The following POF1B variants were observed in gnomAD, a reference collection of about 807,000 sequenced individuals.
The protein encoded by POF1B is POF1B actin binding protein.
A neutral mutation model predicts 55.3 loss-of-function variants in POF1B; 53 were observed. That is an observed-to-expected ratio of 0.96 (90% CI 0.77 to 1.20). The LOEUF is 1.20. Ranked by LOEUF, POF1B falls within the 50% of genes most tolerant of loss-of-function variation. The pLI, the probability that POF1B is intolerant of heterozygous loss-of-function variation, is 0.00. For synonymous variants in POF1B, 188 were observed against 148.3 expected (o/e 1.27, Z -1.95); for missense variants, 478 against 420.5 (o/e 1.14, Z -1.20).
At chrX:85,311,892 C>T (rs942683550) in intron 9 of POF1B, among the ~76,000 whole-genome samples, 1 of 112,134 alleles carries the variant, frequency 8.9e-6, no homozygotes, top group Non-Finnish European at 1.9e-5. Context: ...GATGGTATCT[C>T]ATTGTGGTTT....
chrX:85,314,910 G>A (rs1420545083), intron 8 of POF1B, among the ~76,000 whole-genome samples: 2 of 111,551 alleles, frequency 1.8e-5, no homozygotes, highest in Admixed American at 9.6e-5. Flanking sequence ...TTGAAATAAG[G>A]AAAACTTTGG....
chrX:85,345,738 A>C, intron 6 of POF1B, 122 bp downstream of exon 6: 1 of 629,963 alleles, frequency 1.6e-6, no homozygotes, highest in East Asian at 3.7e-5. Flanking sequence ...CAAGGCACAA[A>C]TACCAGTGAT....
chrX:85,365,359 T>C (rs1364903860), intron 3 of POF1B, among the ~76,000 whole-genome samples: 1 of 111,854 alleles, frequency 8.9e-6, no homozygotes, highest in Non-Finnish European at 1.9e-5. Flanking sequence ...AGTTCTTGCA[T>C]TGGTTCTTTC....
At chrX:85,341,267 C>T (rs1031355890) in intron 6 of POF1B, among the ~76,000 whole-genome samples, 7 of 110,559 alleles carry the variant, frequency 6.3e-5, no homozygotes, top group South Asian at 3.8e-4. Flanking sequence ...TATCACAAGA[C>T]GAAGCTAACA....
At chrX:85,294,143 T>G (rs1474505636) in intron 15 of POF1B, among the ~76,000 whole-genome samples, 1 of 112,101 alleles carries the variant, frequency 8.9e-6, no homozygotes, top group Non-Finnish European at 1.9e-5. Context: ...TAGTCTTTTC[T>G]AAGTATAGAA....
At chrX:85,281,430 A>G (rs772026473) in intron 16 of POF1B, among the ~76,000 whole-genome samples, 1 of 110,341 alleles carries the variant, frequency 9.1e-6, no homozygotes, top group African/African-American at 3.3e-5. Context: ...GATGATCATT[A>G]CTTTAAAAGT....
chrX:85,284,492 A>C (rs1931990235), intron 15 of POF1B, among the ~76,000 whole-genome samples: 1 of 111,910 alleles, frequency 8.9e-6, no homozygotes, highest in Non-Finnish European at 1.9e-5. Flanking sequence ...AGCCCTCAGA[A>C]ATAATACCAC....
chrX:85,325,399 C>T (rs762173140), intron 7 of POF1B, among the ~76,000 whole-genome samples: 1 of 111,831 alleles, frequency 8.9e-6, no homozygotes, highest in Non-Finnish European at 1.9e-5. Context: ...TGTTCTTTTT[C>T]TCTGAGTTAT....
Position 85,314,454 on chromosome X carries a change from T to G in POF1B, c.935A>C (p.Gln312Pro). ...CACCTGCAGAATGTAGCGTATTTGC[T>G]GTTTTGTAAACTCTGATAATCCTTT... ...IPKGLSEFTK[Q>P]QIRYILQMRG... The change falls in exon 9 of 17, where the codon CAG becomes CCG. Residue 312 changes from glutamine (Q) to proline (P), a missense_variant. By Grantham distance (76) the Gln-to-Pro change is moderately conservative. Transcript: ENST00000262753. 1.7e-6 allele frequency: 2 copies of G among 1,200,211 alleles called. No homozygotes were observed. Among genetic ancestry groups the G allele is most frequent in the East Asian group, 3.0e-5 (1 of 33,013 alleles).
chrX:85,289,367 G>T (rs1932130075), intron 15 of POF1B, among the ~76,000 whole-genome samples: 1 of 111,756 alleles, frequency 8.9e-6, no homozygotes, highest in African/African-American at 3.3e-5. Flanking sequence ...ATAAAATCAG[G>T]TTCATACATG....
At chrX:85,357,254 G>A (rs1373967975) in intron 4 of POF1B, among the ~76,000 whole-genome samples, 1 of 110,587 alleles carries the variant, frequency 9.0e-6, no homozygotes, top group Non-Finnish European at 1.9e-5. Flanking sequence ...TCTGTATCTG[G>A]AATCCCATTC....
intron 7 of POF1B, among the ~76,000 whole-genome samples, chrX:85,322,604 T>C (rs962200296): frequency 2.7e-5 from 3 of 111,507 alleles, no homozygotes; most frequent in African/African-American, 9.8e-5. Flanking sequence ...GGGATCTAAT[T>C]AAACTAAAGA....
rs937442816 is a variant in POF1B at position 85,335,940 on chromosome X, G to C, written c.724-4861C>G. On this transcript the variant is annotated intron_variant, in intron 6 of 16. Transcript: ENST00000262753. ...TACACTGTTTTTCTATCAAATACTAGATCTTATTCTTTCTAATTCTTTTTT... is the reference window on the plus strand; with the variant it reads ...TACACTGTTTTTCTATCAAATACTACATCTTATTCTTTCTAATTCTTTTTT... Among the ~76,000 whole-genome samples the C allele has an allele frequency of 8.2e-5, 9 of 109,229 alleles. No homozygotes were observed. In the East Asian group the frequency reaches 2.6e-3, roughly 32 times the overall value. The allele number at this position is 109,229 out of a possible 115,157, so 94.9% of individuals were successfully genotyped here. A position where few individuals can be genotyped will look rare whatever the true frequency, so the allele number is the denominator to read the frequency against.
At chrX:85,331,353 C>T (rs1258015026) in intron 6 of POF1B, among the ~76,000 whole-genome samples, 1 of 111,380 alleles carries the variant, frequency 9.0e-6, no homozygotes, top group Admixed American at 9.6e-5. Flanking sequence ...TTAAATAAAA[C>T]AGCAAAATGA....
chrX:85,357,658 A>C (rs1023199115), intron 4 of POF1B, among the ~76,000 whole-genome samples: 7 of 110,683 alleles, frequency 6.3e-5, no homozygotes, highest in Non-Finnish European at 9.5e-5. Flanking sequence ...TGGTGTGTTC[A>C]CATCCCTCTC....
At chrX:85,348,818 T>G (rs1933323996) in intron 5 of POF1B, among the ~76,000 whole-genome samples, 2 of 111,897 alleles carry the variant, frequency 1.8e-5, no homozygotes, top group Non-Finnish European at 3.8e-5. Flanking sequence ...ATGTACAAGA[T>G]ATTCAATCTT....
At chrX:85,371,054 C>T (rs1320167958) in intron 2 of POF1B, among the ~76,000 whole-genome samples, 1 of 111,509 alleles carries the variant, frequency 9.0e-6, no homozygotes, top group African/African-American at 3.3e-5. Context: ...GTTATCATGA[C>T]ATAGTGGAAA....
rs764894122 is a variant in POF1B, at chrX:85,312,073, T to C, written c.957+2359A>G. The stretch of plus-strand genomic sequence containing the variant: ...TAAATTCTTTGTAGATTCTGGGTAT[T>C]AGCCCTTTGTCAGATGGATAGATTG... On this transcript the variant is annotated intron_variant, in intron 9 of 16. Transcript: ENST00000262753. Among the ~76,000 whole-genome samples the C allele has an allele frequency of 1.1e-4, 12 of 112,406 alleles. No homozygotes were observed. The East Asian group carries it at 3.4e-3, about 32-fold the overall frequency.
intron 15 of POF1B, among the ~76,000 whole-genome samples, chrX:85,298,243 G>T (rs1003170438): frequency 8.9e-6 from 1 of 112,320 alleles, no homozygotes; most frequent in Non-Finnish European, 1.9e-5. Flanking sequence ...AGCCTTGGGG[G>T]AATGGGTGCC....
Sources: allele counts gnomAD v4.1 joint callset (sites outside exome capture counted in the v4.1 genomes callset), GRCh38; gene constraint gnomAD v4.1.1; transcripts MANE v1.5; gene names NCBI Gene and HGNC (gene_info 2026-07-23, HGNC 2026-07-21).